CSMD2: variants seen among roughly 807,000 people sequenced by gnomAD.
CSMD2 encodes CUB and sushi domain-containing protein 2.
A neutral mutation model predicts 398.5 loss-of-function variants in CSMD2; 130 were observed. The ratio of observed to expected loss-of-function variants is 0.33; its 90% CI spans 0.28 to 0.38. CSMD2 has a LOEUF of 0.38. Among genes scored for constraint, CSMD2 ranks in the 10% least tolerant of loss-of-function variants. CSMD2 has a pLI of 1.00. For missense variants in CSMD2, 3,829 were observed against 4,764.9 expected, an observed-to-expected ratio of 0.80 and a Z score of 5.78; for synonymous variants, 1,828 against 1,908.5, an observed-to-expected ratio of 0.96 and a Z score of 1.10.
chr1:33,607,181 A>G (rs1640671618), intron 41 of CSMD2, among the ~76,000 whole-genome samples: 1 of 152,200 alleles, frequency 6.6e-6, no homozygotes, highest in Non-Finnish European at 1.5e-5. Context: ...CTCCTGAGAA[A>G]TTGTCATGGA....
intron 1 of CSMD2, among the ~76,000 whole-genome samples, chr1:34,118,390 C>A (rs754550767): frequency 6.6e-6 from 1 of 152,092 alleles, no homozygotes. Context: ...CCAGTCTATT[C>A]GGTATAATAC....
At chr1:33,564,572 T>C (rs939880639) in intron 53 of CSMD2, among the ~76,000 whole-genome samples, 4 of 152,226 alleles carry the variant, frequency 2.6e-5, no homozygotes, top group Non-Finnish European at 5.9e-5. Context: ...TGGAACTTTA[T>C]TTTTTATTAT....
intron 3 of CSMD2, among the ~76,000 whole-genome samples, chr1:33,989,831 G>A (rs529326280): frequency 2.0e-5 from 3 of 152,218 alleles, no homozygotes; most frequent in East Asian, 1.9e-4. Context: ...AGTTACCTGC[G>A]GTCAGGGATG....
At position 33,567,480 on chromosome 1, in the gene CSMD2, T is replaced by C. The variant is rs569952137; in HGVS notation, c.8380+113A>G. The C allele has an allele frequency of 3.5e-5, 11 of 314,128 alleles. No individual in the cohort carries two copies. The South Asian group carries it at 3.7e-4, about 11-fold the overall frequency. 19.5% of individuals were successfully genotyped at this position (314,128 alleles called of 1,614,324 possible). A position where few individuals can be genotyped will look rare whatever the true frequency, so the allele number is the denominator to read the frequency against. ...GTTTTGAAAAAAAAAATAGCAATCATATATATATATATATATTTAAAACAA... is the reference window on the plus strand; with the variant it reads ...GTTTTGAAAAAAAAAATAGCAATCACATATATATATATATATTTAAAACAA... On this transcript the variant is annotated intron_variant, in intron 53 of 70. Coordinates refer to ENST00000373381, the MANE Select transcript of CSMD2 (RefSeq NM_001281956.2).
intron 56 of CSMD2, 102 bp downstream of exon 56, chr1:33,550,074 AT>A: frequency 8.4e-7 from 1 of 1,195,812 alleles, no homozygotes; most frequent in South Asian, 1.4e-5. Flanking sequence ...CTGAGGTCTG[AT>A]TCCCTCCCAT....
intron 29 of CSMD2, among the ~76,000 whole-genome samples, chr1:33,643,081 G>A (rs1158736268): frequency 6.6e-6 from 1 of 152,194 alleles, no homozygotes; most frequent in Non-Finnish European, 1.5e-5. Context: ...AGTTTTAGCA[G>A]AGCCCTGGAT....
chr1:33,614,683 A>C, intron 39 of CSMD2, 63 bp from the exon 40 acceptor site: 1 of 904,188 alleles, frequency 1.1e-6, no homozygotes, highest in Non-Finnish European at 1.8e-6. Flanking sequence ...GGCCCTGCCA[A>C]TGTTTGGAAG....
intron 19 of CSMD2, among the ~76,000 whole-genome samples, chr1:33,717,919 A>G (rs1233732090): frequency 1.3e-5 from 2 of 152,116 alleles, no homozygotes; most frequent in Admixed American, 6.6e-5. Flanking sequence ...AATGATATTC[A>G]TTAACATTTC....
chr1:33,994,069 T>C (rs893703349), intron 3 of CSMD2, among the ~76,000 whole-genome samples: 2 of 152,128 alleles, frequency 1.3e-5, no homozygotes, highest in African/African-American at 2.4e-5. Context: ...GATGTGTGAA[T>C]TAGTGAAGGG....
chr1:33,921,147 T>C (rs1643924510), intron 4 of CSMD2, among the ~76,000 whole-genome samples: 1 of 152,120 alleles, frequency 6.6e-6, no homozygotes, highest in South Asian at 2.1e-4. Flanking sequence ...TCTCCTCCCC[T>C]CTTCCTCCTT....
chr1:33,584,777 A>G (rs556949060), intron 46 of CSMD2, among the ~76,000 whole-genome samples: 3 of 151,158 alleles, frequency 2.0e-5, no homozygotes, highest in South Asian at 4.2e-4. Flanking sequence ...TGAAAACTGC[A>G]TCTTGAACAG....
At chr1:34,124,718 T>A (rs1329987292) in intron 1 of CSMD2, among the ~76,000 whole-genome samples, 1 of 152,112 alleles carries the variant, frequency 6.6e-6, no homozygotes, top group Non-Finnish European at 1.5e-5. Flanking sequence ...ATTGTAACTG[T>A]CAGGAACACA....
intron 8 of CSMD2, among the ~76,000 whole-genome samples, 171 bp from the exon 9 acceptor site, chr1:33,820,008 C>T (rs1315001038): frequency 2.6e-5 from 4 of 152,186 alleles, no homozygotes; most frequent in African/African-American, 9.7e-5. Flanking sequence ...ATCTGCTCTT[C>T]ATCTTCTTTT....
chr1:33,547,788 T>G (rs1032817536), intron 56 of CSMD2, among the ~76,000 whole-genome samples: 5 of 152,228 alleles, frequency 3.3e-5, no homozygotes, highest in African/African-American at 1.2e-4. Context: ...GAAACAATCT[T>G]GATGGTGAGC....
chr1:33,806,646 G>GAATTCA (rs1656264386), intron 10 of CSMD2, among the ~76,000 whole-genome samples: 1 of 152,152 alleles, frequency 6.6e-6, no homozygotes, highest in Non-Finnish European at 1.5e-5. Context: ...ATTATGGAAA[G>GAATTCA]AATTCAAGAA....
At chr1:33,839,834 A>C (rs779839942) in intron 6 of CSMD2, 6 of 153,500 alleles carry the variant, frequency 3.9e-5, no homozygotes, top group Non-Finnish European at 5.9e-5. Context: ...GAAATAATTA[A>C]AAGAACACTC....
intron 5 of CSMD2, among the ~76,000 whole-genome samples, chr1:33,856,807 C>G (rs962193443): frequency 6.6e-6 from 1 of 151,998 alleles, no homozygotes; most frequent in African/African-American, 2.4e-5. Flanking sequence ...GAGCTGAGTT[C>G]TAATCCTGCC....
In CSMD2 at chr1:33,611,123, G is replaced by A. The variant is rs1640971893; in HGVS notation, c.6261C>T (p.Leu2087=). 6.2e-7 allele frequency: 1 copy of A among 1,614,142 alleles called. No individual in the cohort carries two copies. The highest frequency in any genetic ancestry group is 1.6e-4 in the Middle Eastern group (1 of 6,062). ...CGGTGGTCTCGTGGGACGTGGAGAG[G>A]AGGGAGCTTGGAAGCTCGCTTCCAC... The part of the protein sequence containing the change: ...RFSGSELPSS[L]LSTSHETTVY... The change falls in exon 41 of 71, where the codon CTC becomes CTT. Residue 2087 remains leucine, a synonymous_variant. Coordinates refer to ENST00000373381, the MANE Select transcript of CSMD2 (RefSeq NM_001281956.2).
chr1:33,602,066 G>A (rs1015150268), intron 43 of CSMD2, among the ~76,000 whole-genome samples: 3 of 152,180 alleles, frequency 2.0e-5, no homozygotes, highest in Non-Finnish European at 2.9e-5. Context: ...TGGAAATACC[G>A]AGGAAAGTCT....
Sources: gnomAD v4.1 joint callset for allele counts (sites outside exome capture counted in the v4.1 genomes callset) on GRCh38, gnomAD v4.1.1 for gene constraint, MANE v1.5 for transcripts, NCBI Gene and HGNC (gene_info 2026-07-23, HGNC 2026-07-21) for gene names.